Variants in ARID3B observed in about 807,000 individuals in gnomAD.
ARID3B encodes AT-rich interactive domain-containing protein 3B.
In ARID3B, 10 loss-of-function variants were observed where a neutral mutation model predicts 51.9. That is an observed-to-expected ratio of 0.19 (90% CI 0.12 to 0.33). The LOEUF (loss-of-function observed/expected upper bound fraction) is 0.33. ARID3B is among the 10% of genes least tolerant of loss of function. The pLI is 1.00. For synonymous variants in ARID3B, 205 were observed against 279.5 expected, an observed-to-expected ratio of 0.73 and a Z score of 2.66; for missense variants, 483 against 716.3, an observed-to-expected ratio of 0.67 and a Z score of 3.72.
chr15:74,568,537 A>G (rs926041571), intron 2 of ARID3B, among the ~76,000 whole-genome samples: 8 of 152,240 alleles, frequency 5.3e-5, no homozygotes, highest in Middle Eastern at 3.2e-3. Flanking sequence ...ATTAAGTGAG[A>G]AAATGCTTGT....
At position 74,593,130 on chromosome 15, in the gene ARID3B, C is replaced by A. The variant is rs1386113619; in HGVS notation, c.1421-8C>A. 1 of 1,611,342 alleles carries A rather than the reference C, an allele frequency of 6.2e-7. No homozygotes were observed. The highest frequency in any genetic ancestry group is 1.3e-5 in the African/African-American group (1 of 74,872). On this transcript the variant is annotated splice_polypyrimidine_tract_variant and splice_region_variant and intron_variant, in intron 7 of 8. Coordinates refer to ENST00000346246, the MANE Select transcript of ARID3B (RefSeq NM_006465.4). The stretch of plus-strand genomic sequence containing the variant: ...TGACCAGGCCCACTGTCTCCCTGTC[C>A]CCAGCAGAAGACAGAGCAGAGGCCT...
At chr15:74,575,581 A>G (rs2061734716) in intron 4 of ARID3B, among the ~76,000 whole-genome samples, 1 of 152,190 alleles carries the variant, frequency 6.6e-6, no homozygotes, top group African/African-American at 2.4e-5. Context: ...AGTAGAGAAC[A>G]GTCTTTGCTG....
chr15:74,551,172 T>C (rs2061636235), intron 2 of ARID3B, among the ~76,000 whole-genome samples: 1 of 152,220 alleles, frequency 6.6e-6, no homozygotes, highest in Admixed American at 6.5e-5. Flanking sequence ...CAAATCCACG[T>C]TGAAGGGTCA....
intron 5 of ARID3B, among the ~76,000 whole-genome samples, 162 bp from the exon 6 acceptor site, chr15:74,590,989 T>C (rs1398143762): frequency 3.3e-5 from 5 of 152,180 alleles, no homozygotes; most frequent in Admixed American, 2.6e-4. Context: ...TGGGGCAGAG[T>C]GTCCGGCCAT....
Position 74,544,370 on chromosome 15 carries a change from G to A in ARID3B, c.434G>A (p.Gly145Glu). 6.2e-7 allele frequency: 1 copy of A among 1,613,284 alleles called. No individual in the cohort carries two copies. Among genetic ancestry groups the A allele is most frequent in the Non-Finnish European group, 8.5e-7 (1 of 1,179,562 alleles). ...ATGTCCAATCTACTTCCAGCACCAG[G>A]GCTCCCACCACATGGACAACAAGCT... is the stretch of plus-strand genomic sequence containing the variant. ...APMSNLLPAP[G>E]LPPHGQQAKE... Residue 145 changes from glycine to glutamate, a missense_variant, in exon 2 of 9, where the codon GGG becomes GAG. Physicochemically the swap from Gly to Glu is moderately conservative, Grantham distance 98. Coordinates refer to ENST00000346246, the MANE Select transcript of ARID3B (RefSeq NM_006465.4).
intron 2 of ARID3B, among the ~76,000 whole-genome samples, chr15:74,566,987 T>C (rs943808993): frequency 1.3e-5 from 2 of 152,064 alleles, no homozygotes; most frequent in African/African-American, 4.8e-5. Context: ...TCCGATTAGG[T>C]GTCTATGTAC....
intron 2 of ARID3B, among the ~76,000 whole-genome samples, chr15:74,561,085 C>T (rs911414797): frequency 6.6e-5 from 10 of 152,016 alleles, no homozygotes; most frequent in Non-Finnish European, 1.0e-4. Flanking sequence ...GTGCCCAGCC[C>T]GTAGTTTGTC....
intron 2 of ARID3B, among the ~76,000 whole-genome samples, chr15:74,546,168 G>T (rs538256568): frequency 5.4e-4 from 83 of 152,322 alleles, no homozygotes; most frequent in African/African-American, 1.9e-3. Context: ...CAACTTCCAC[G>T]ACAGCAGCAC....
intron 2 of ARID3B, among the ~76,000 whole-genome samples, chr15:74,552,056 CTTTTTTTTTTTT>C (rs869096001): frequency 9.7e-6 from 1 of 102,630 alleles, no homozygotes; most frequent in Non-Finnish European, 1.8e-5. Flanking sequence ...TCTTTCTTTC[CTTTTTTTTTTTT>C]TTTTTTTTTC....
chr15:74,577,029 T>C (rs2061740676), intron 4 of ARID3B, among the ~76,000 whole-genome samples: 1 of 152,188 alleles, frequency 6.6e-6, no homozygotes, highest in African/African-American at 2.4e-5. Context: ...AGGCAAAATA[T>C]TGGCTTTCAG....
At chr15:74,547,175 G>A (rs772897351) in intron 2 of ARID3B, among the ~76,000 whole-genome samples, 8 of 41,360 alleles carry the variant, frequency 1.9e-4, no homozygotes, top group Non-Finnish European at 4.0e-4. Context: ...CCCCTCCCCC[G>A]CCGACACAGA....
At chr15:74,562,267 G>A (rs896386879) in intron 2 of ARID3B, among the ~76,000 whole-genome samples, 2 of 151,894 alleles carry the variant, frequency 1.3e-5, no homozygotes, top group African/African-American at 2.4e-5. Context: ...TCCACCTCCC[G>A]AGTAGCTGGG....
At chr15:74,554,060 G>A (rs1386109555) in intron 2 of ARID3B, among the ~76,000 whole-genome samples, 3 of 152,116 alleles carry the variant, frequency 2.0e-5, no homozygotes, top group Non-Finnish European at 4.4e-5. Flanking sequence ...AGGCTAGAGT[G>A]CAGTGGCACG....
intron 4 of ARID3B, among the ~76,000 whole-genome samples, chr15:74,585,203 G>T (rs1211486007): frequency 6.6e-6 from 1 of 152,220 alleles, no homozygotes; most frequent in African/African-American, 2.4e-5. Context: ...GACCCACAAA[G>T]ATCTCTCTTC....
intron 2 of ARID3B, among the ~76,000 whole-genome samples, chr15:74,557,817 C>CTTTT (rs11307414): frequency 1.8e-3 from 194 of 109,746 alleles, no homozygotes; most frequent in Non-Finnish European, 2.7e-3. Flanking sequence ...TTTCGACTTA[C>CTTTT]TTTTTTTTTT....
chr15:74,594,659 C>T (rs2061817532), intron 8 of ARID3B, among the ~76,000 whole-genome samples: 1 of 152,280 alleles, frequency 6.6e-6, no homozygotes, highest in Admixed American at 6.5e-5. Context: ...GCCACACTCC[C>T]TCAGAGCACC....
chr15:74,585,347 C>A (rs988045446), intron 4 of ARID3B, among the ~76,000 whole-genome samples: 3 of 152,198 alleles, frequency 2.0e-5, no homozygotes, highest in African/African-American at 7.2e-5. Context: ...GCCAGAGACC[C>A]CTTGCTCCCT....
intron 2 of ARID3B, among the ~76,000 whole-genome samples, chr15:74,561,759 G>T (rs1163990114): frequency 6.6e-6 from 1 of 152,172 alleles, no homozygotes; most frequent in African/African-American, 2.4e-5. Context: ...AGCACAGATA[G>T]TCCCTGACTT....
intron 2 of ARID3B, 76 bp from the exon 3 acceptor site, chr15:74,572,786 A>C: frequency 1.4e-6 from 2 of 1,416,962 alleles, no homozygotes; most frequent in Non-Finnish European, 1.0e-6. Context: ...CTTTGCCCTA[A>C]ATGATTGCCT....
Sources: gnomAD v4.1 joint callset for allele counts (sites outside exome capture counted in the v4.1 genomes callset) on GRCh38, gnomAD v4.1.1 for gene constraint, MANE v1.5 for transcripts, NCBI Gene and HGNC (gene_info 2026-07-23, HGNC 2026-07-21) for gene names.